Variants in KLF8 observed in about 807,000 individuals in gnomAD.
KLF8 encodes KLF transcription factor 8, also known as Krueppel-like factor 8.
A neutral mutation model predicts 18.2 loss-of-function variants in KLF8; 10 were observed. The ratio of observed to expected loss-of-function variants is 0.55; its 90% confidence interval spans 0.34 to 0.93. KLF8 has a LOEUF of 0.93. Ranked by LOEUF, KLF8 falls within the 40% of genes least tolerant of loss-of-function variation. The pLI, the probability that KLF8 is intolerant of heterozygous loss-of-function variation, is 0.02. For missense variants in KLF8, 264 were observed against 277.9 expected (o/e 0.95, Z 0.36); for synonymous variants, 109 against 97.3 (o/e 1.12, Z -0.71).
the KLF8 span, among the ~76,000 whole-genome samples, chrX:56,089,753 G>A: frequency 1.8e-5 from 2 of 111,940 alleles, no homozygotes; most frequent in Admixed American, 9.5e-5. Flanking sequence ...ATTGCTGGAG[G>A]CTCAGTTTGG....
At chrX:56,079,174 C>A in the KLF8 span, among the ~76,000 whole-genome samples, 2 of 110,854 alleles carry the variant, frequency 1.8e-5, no homozygotes, top group East Asian at 5.7e-4. Flanking sequence ...TTATTTCTTG[C>A]CTTCTGCTAG....
the KLF8 span, among the ~76,000 whole-genome samples, chrX:56,221,996 A>G: frequency 9.0e-6 from 1 of 111,154 alleles, no homozygotes; most frequent in Non-Finnish European, 1.9e-5. Flanking sequence ...TGGTGCGTTT[A>G]CAATCCCTGA....
At chrX:56,257,202 G>A (rs976936106) in intron 2 of KLF8, among the ~76,000 whole-genome samples, 1 of 111,182 alleles carries the variant, frequency 9.0e-6, no homozygotes, top group Non-Finnish European at 1.9e-5. Flanking sequence ...AGTGTCTTAA[G>A]GTGTGTTTTG....
At chrX:55,967,170 G>A in the KLF8 span, among the ~76,000 whole-genome samples, 1 of 111,467 alleles carries the variant, frequency 9.0e-6, no homozygotes, top group Non-Finnish European at 1.9e-5. Flanking sequence ...TTAAAGGGGA[G>A]GTAGACAAGA....
chrX:55,961,423 C>T, the KLF8 span: 2 of 530,134 alleles, frequency 3.8e-6, no homozygotes, highest in East Asian at 3.5e-5. Flanking sequence ...TAATGGAAAG[C>T]CTTACATGCT....
chrX:56,149,959 C>T, the KLF8 span, among the ~76,000 whole-genome samples: 6 of 111,401 alleles, frequency 5.4e-5, no homozygotes, highest in Non-Finnish European at 1.1e-4. Flanking sequence ...TTTTTAAATG[C>T]TGAGTACTTC....
chrX:56,060,760 G>A, the KLF8 span, among the ~76,000 whole-genome samples: 1 of 112,046 alleles, frequency 8.9e-6, no homozygotes, highest in African/African-American at 3.2e-5. Flanking sequence ...AATAGTTTCA[G>A]AAGGAATGGT....
intron 5 of KLF8, among the ~76,000 whole-genome samples, chrX:56,271,807 G>A (rs997082061): frequency 5.4e-5 from 6 of 110,948 alleles, no homozygotes; most frequent in Admixed American, 1.9e-4. Context: ...TTCCTCAACC[G>A]TAAGATGAGG....
the KLF8 span, among the ~76,000 whole-genome samples, chrX:56,041,605 G>C: frequency 9.1e-6 from 1 of 110,230 alleles, no homozygotes; most frequent in South Asian, 3.9e-4. Context: ...GGATTTGGCT[G>C]CTCTTGGTTT....
At chrX:56,169,043 C>A in the KLF8 span, among the ~76,000 whole-genome samples, 13 of 111,372 alleles carry the variant, frequency 1.2e-4, no homozygotes, top group Admixed American at 4.8e-4. Flanking sequence ...GACATGAGGC[C>A]CCCTTTCAAG....
chrX:56,047,067 T>C, the KLF8 span, among the ~76,000 whole-genome samples: 2 of 110,259 alleles, frequency 1.8e-5, no homozygotes, highest in Admixed American at 1.9e-4. Flanking sequence ...TTTTAATTTT[T>C]TTTTTTGTCT....
At chrX:56,215,656 C>G in the KLF8 span, among the ~76,000 whole-genome samples, 5 of 106,480 alleles carry the variant, frequency 4.7e-5, no homozygotes, top group Non-Finnish European at 9.6e-5. Flanking sequence ...AACCCTGTAT[C>G]TACTAAAAAT....
the KLF8 span, among the ~76,000 whole-genome samples, chrX:56,180,837 T>C: frequency 6.2e-5 from 7 of 112,361 alleles, no homozygotes; most frequent in African/African-American, 2.3e-4. Context: ...TAGTTTGTTA[T>C]AGTTTCTGTT....
chrX:56,105,932 G>A, the KLF8 span, among the ~76,000 whole-genome samples: 4 of 111,273 alleles, frequency 3.6e-5, no homozygotes, highest in Non-Finnish European at 7.5e-5. Flanking sequence ...AAATCTCTCA[G>A]CATTTGCTTG....
chrX:56,184,140 G>A, the KLF8 span, among the ~76,000 whole-genome samples: 1 of 112,293 alleles, frequency 8.9e-6, no homozygotes, highest in Non-Finnish European at 1.9e-5. Context: ...GTGACAGACG[G>A]CACCTGGAAA....
chrX:55,929,457 A>G, the KLF8 span, among the ~76,000 whole-genome samples: 2 of 112,066 alleles, frequency 1.8e-5, no homozygotes, highest in African/African-American at 6.5e-5. Context: ...CTATGTCCTG[A>G]ATGGTATTGC....
the KLF8 span, among the ~76,000 whole-genome samples, chrX:56,170,052 C>G: frequency 9.0e-6 from 1 of 110,757 alleles, no homozygotes; most frequent in Non-Finnish European, 1.9e-5. Flanking sequence ...GCCTGGTAAT[C>G]AATAGAATTT....
At chrX:55,914,963 T>C in the KLF8 span, among the ~76,000 whole-genome samples, 3 of 110,676 alleles carry the variant, frequency 2.7e-5, no homozygotes, top group African/African-American at 9.9e-5. Flanking sequence ...TACACAGAAA[T>C]TAGAGGGATT....
the KLF8 span, among the ~76,000 whole-genome samples, chrX:56,176,561 G>A: frequency 9.0e-6 from 1 of 110,955 alleles, no homozygotes; most frequent in East Asian, 2.8e-4. Flanking sequence ...CAACTTTGGT[G>A]AATCTGACAA....
Sources: allele counts gnomAD v4.1 joint callset (sites outside exome capture counted in the v4.1 genomes callset), GRCh38; gene constraint gnomAD v4.1.1; transcripts MANE v1.5; gene names NCBI Gene and HGNC (gene_info 2026-07-23, HGNC 2026-07-21).